Variants in ALPK2 observed in about 807,000 individuals in gnomAD.
The protein encoded by ALPK2 is alpha kinase 2, also known as alpha-protein kinase 2.
Under a neutral mutation model 163.1 loss-of-function variants are expected in ALPK2, and 127 were observed. That is an observed-to-expected ratio of 0.78 (90% CI 0.67 to 0.90). The LOEUF (loss-of-function observed/expected upper bound fraction) is 0.90, where lower values mean the gene tolerates loss of function less well. Among genes scored for constraint, ALPK2 ranks in the 40% least tolerant of loss-of-function variants. ALPK2 has a pLI of 0.00. For synonymous variants in ALPK2, 953 were observed against 959.1 expected, an observed-to-expected ratio of 0.99 and a Z score of 0.12; for missense variants, 2,360 against 2,589.6, an observed-to-expected ratio of 0.91 and a Z score of 1.92.
intron 3 of ALPK2, among the ~76,000 whole-genome samples, chr18:58,600,315 G>A (rs2052062904): frequency 1.3e-5 from 2 of 152,172 alleles, no homozygotes; most frequent in South Asian, 4.1e-4. Flanking sequence ...GGGATTACAG[G>A]CGTGAGTCAC....
intron 3 of ALPK2, 42 bp downstream of exon 3, chr18:58,607,280 T>C (rs2052102803): frequency 1.4e-6 from 2 of 1,392,074 alleles, no homozygotes; most frequent in Non-Finnish European, 2.0e-6. Context: ...TGACAGAATA[T>C]AAGGATATTA....
At chr18:58,602,805 G>A (rs2052077934) in intron 3 of ALPK2, among the ~76,000 whole-genome samples, 1 of 152,132 alleles carries the variant, frequency 6.6e-6, no homozygotes, top group Admixed American at 6.5e-5. Context: ...GATAGATCAG[G>A]ATGCAGTGAA....
At chr18:58,605,244 AT>A (rs778942655) in intron 3 of ALPK2, among the ~76,000 whole-genome samples, 5 of 151,982 alleles carry the variant, frequency 3.3e-5, no homozygotes, top group East Asian at 1.9e-4. Context: ...CAACTATGCT[AT>A]TTTTTTTAAA....
At chr18:58,513,872 T>TTA (rs1568071262) in intron 10 of ALPK2, among the ~76,000 whole-genome samples, 5 of 151,878 alleles carry the variant, frequency 3.3e-5, no homozygotes, top group Non-Finnish European at 5.9e-5. Context: ...CCATGTCTCT[T>TTA]AAAAAAAATA....
intron 4 of ALPK2, among the ~76,000 whole-genome samples, chr18:58,576,536 G>A (rs2051922714): frequency 6.6e-6 from 1 of 152,140 alleles, no homozygotes; most frequent in Non-Finnish European, 1.5e-5. Flanking sequence ...CTATCTTTTT[G>A]TGAACAGTAT....
chr18:58,500,051 A>C (rs2051423593), intron 11 of ALPK2, among the ~76,000 whole-genome samples: 1 of 152,268 alleles, frequency 6.6e-6, no homozygotes, highest in Admixed American at 6.5e-5. Flanking sequence ...GACAGAAGCC[A>C]TGAGGCCTGC....
At chr18:58,524,725 A>T (rs538443399) in intron 6 of ALPK2, among the ~76,000 whole-genome samples, 2 of 152,296 alleles carry the variant, frequency 1.3e-5, no homozygotes, top group East Asian at 3.9e-4. Context: ...ATAAAGATCA[A>T]TTTCATGATG....
chr18:58,583,327 G>A (rs757374494), intron 3 of ALPK2, among the ~76,000 whole-genome samples: 1 of 152,004 alleles, frequency 6.6e-6, no homozygotes, highest in African/African-American at 2.4e-5. Flanking sequence ...AGGGTATAAT[G>A]AGGCGCGTCC....
At chr18:58,571,071 T>C (rs1347757224) in intron 4 of ALPK2, among the ~76,000 whole-genome samples, 1 of 152,052 alleles carries the variant, frequency 6.6e-6, no homozygotes, top group Non-Finnish European at 1.5e-5. Context: ...CTGTGGCCCA[T>C]GCTGGAGTGG....
chr18:58,613,708 AAATAATAATAATAAT>A (rs147174781), intron 1 of ALPK2, among the ~76,000 whole-genome samples: 39 of 95,184 alleles, frequency 4.1e-4, no homozygotes, highest in South Asian at 2.5e-3. Flanking sequence ...CAAAAAAAAA[AAATAATAATAATAAT>A]AATAATAATA....
At chr18:58,517,334 C>T (rs2051527777) in intron 8 of ALPK2, 152 bp from the exon 9 acceptor site, 2 of 764,096 alleles carry the variant, frequency 2.6e-6, no homozygotes, top group Admixed American at 5.7e-5. Context: ...TCAAAAGAGG[C>T]ATAGCTAAAA....
At chr18:58,623,084 A>G (rs1156667907) in intron 1 of ALPK2, among the ~76,000 whole-genome samples, 4 of 152,210 alleles carry the variant, frequency 2.6e-5, no homozygotes, top group Non-Finnish European at 4.4e-5. Context: ...CAGCAAGTCC[A>G]GTCAGAAAAA....
intron 3 of ALPK2, among the ~76,000 whole-genome samples, chr18:58,596,424 G>T (rs1276239376): frequency 6.6e-6 from 1 of 152,240 alleles, no homozygotes; most frequent in East Asian, 1.9e-4. Flanking sequence ...AGGGCCAAGG[G>T]AGCAGCCTCA....
intron 5 of ALPK2, among the ~76,000 whole-genome samples, chr18:58,534,424 C>A (rs1189777950): frequency 1.3e-5 from 2 of 152,182 alleles, no homozygotes; most frequent in African/African-American, 4.8e-5. Context: ...TGGTCTATTT[C>A]ATTATACTAA....
intron 6 of ALPK2, among the ~76,000 whole-genome samples, chr18:58,526,107 A>G (rs550504097): frequency 6.6e-6 from 1 of 152,134 alleles, no homozygotes; most frequent in Non-Finnish European, 1.5e-5. Context: ...CAAGAGGGTA[A>G]GTTCAGTTTC....
intron 3 of ALPK2, among the ~76,000 whole-genome samples, chr18:58,599,218 GC>G (rs1330151617): frequency 6.6e-6 from 1 of 152,192 alleles, no homozygotes; most frequent in Non-Finnish European, 1.5e-5. Flanking sequence ...GTGATGACAA[GC>G]AGTGGATTCT....
intron 10 of ALPK2, among the ~76,000 whole-genome samples, chr18:58,514,239 A>G (rs1274069868): frequency 6.6e-6 from 1 of 152,190 alleles, no homozygotes; most frequent in Non-Finnish European, 1.5e-5. Context: ...AAGGGAAACT[A>G]TTTTTCCCAT....
In ALPK2 at chr18:58,595,279, T is replaced by C. The variant is rs143492726; in HGVS notation, c.227+12043A>G. ...CATAGTTCCTGGTGTGTTAAATGTC[T>C]GGCTCCTCTTGCGATCCCTTTCCCA... On this transcript the variant is annotated intron_variant, in intron 3 of 12. Coordinates refer to ENST00000361673, the MANE Select transcript of ALPK2 (RefSeq NM_052947.4). 3.9e-5 allele frequency among the ~76,000 whole-genome samples: 6 copies of C among 152,348 alleles called. No individual in the cohort carries two copies. In the East Asian group the frequency reaches 9.6e-4, roughly 24 times the overall value.
rs750586012 is a variant in ALPK2 at position 58,537,139 on chromosome 18, T to A, written c.3048A>T (p.Glu1016Asp). The A allele has an allele frequency of 5.0e-6, 8 of 1,614,024 alleles. No individual in the cohort carries two copies. In the East Asian group the frequency reaches 1.8e-4, roughly 36 times the overall value. Residue 1016 changes from glutamate to aspartate, a missense_variant, in exon 5 of 13, where the codon GAA (glutamate) becomes GAT (aspartate). Transcript: ENST00000361673. ...CAGCAAGGTATTTGGCTGGGTGGAC[T>A]TCGGTGGCAATGGTAACAGTTGATG... ...EDTSTVTIAT[E>D]VHPAKYLAVS...
Sources: gnomAD v4.1 joint callset for allele counts (sites outside exome capture counted in the v4.1 genomes callset) on GRCh38, gnomAD v4.1.1 for gene constraint, MANE v1.5 for transcripts, NCBI Gene and HGNC (gene_info 2026-07-23, HGNC 2026-07-21) for gene names.